The following TBC1D21 variants were observed in gnomAD, a reference collection of about 807,000 sequenced individuals.
TBC1D21 encodes the protein male germ cell Rab GTPase-activating protein.
In TBC1D21, 38 loss-of-function variants were observed where a neutral mutation model predicts 46.0. That is an observed-to-expected ratio of 0.83 (90% CI 0.64 to 1.08). TBC1D21 has a LOEUF of 1.08. Ranked by LOEUF, TBC1D21 falls within the 50% of genes least tolerant of loss-of-function variation. The pLI is 0.00. For missense variants in TBC1D21, 415 were observed against 417.9 expected (o/e 0.99, Z 0.06); for synonymous variants, 151 against 157.2 (o/e 0.96, Z 0.29).
intron 1 of TBC1D21, among the ~76,000 whole-genome samples, chr15:73,876,962 A>G (rs1318624220): frequency 6.6e-6 from 1 of 152,154 alleles, no homozygotes; most frequent in East Asian, 1.9e-4. Context: ...TGTTGCATCA[A>G]ACAGCTTAGG....
intron 1 of TBC1D21, among the ~76,000 whole-genome samples, chr15:73,877,514 TAAAAAAA>T (rs541803630): frequency 0.22 from 15,796 of 73,330 alleles, 662 homozygotes; most frequent in Middle Eastern, 0.3. Flanking sequence ...TCCAGAAAAC[TAAAAAAA>T]AAAAAAAAAA....
the TBC1D21 span, among the ~76,000 whole-genome samples, chr15:73,907,358 C>G: frequency 9.2e-5 from 14 of 152,296 alleles, no homozygotes; most frequent in African/African-American, 3.1e-4. Flanking sequence ...TTGGTGGGGT[C>G]TGCATGGAAG....
At chr15:73,901,972 C>T in the TBC1D21 span, among the ~76,000 whole-genome samples, 1 of 152,088 alleles carries the variant, frequency 6.6e-6, no homozygotes, top group Non-Finnish European at 1.5e-5. Context: ...CCACCTCACC[C>T]AGCTAATTGT....
chr15:73,885,140 C>A (rs762754935), intron 6 of TBC1D21, 37 bp downstream of exon 6: 3 of 1,556,684 alleles, frequency 1.9e-6, no homozygotes, highest in Non-Finnish European at 2.6e-6. Context: ...CGCCCCTCCC[C>A]AACCCCCCAC....
chr15:73,895,474 A>G, the TBC1D21 span, among the ~76,000 whole-genome samples: 1 of 152,168 alleles, frequency 6.6e-6, no homozygotes, highest in Non-Finnish European at 1.5e-5. Context: ...CTCTAGAATT[A>G]AGCATTCCAA....
the TBC1D21 span, among the ~76,000 whole-genome samples, chr15:73,908,816 G>T: frequency 2.6e-5 from 4 of 152,222 alleles, no homozygotes; most frequent in Non-Finnish European, 5.9e-5. Context: ...GTGATGCCTT[G>T]TAAGTCCATG....
rs2068009117 is a variant in TBC1D21 at position 73,873,746 on chromosome 15, A to G, written c.37A>G (p.Arg13Gly). ...TLSPENSLSA[R>G]QSASFILVKR... is the part of the protein sequence containing the mutation. ...CTCTCCTGAAAACAGCCTCTCTGCC[A>G]GACAGTCAGCCTCCTTCATCCTGGT... The change falls in exon 1 of 11, where the codon AGA becomes GGA. Residue 13 changes from arginine (R) to glycine (G), a missense_variant. Arg to Gly is a moderately radical substitution (Grantham distance 125). Transcript: ENST00000300504. 6.2e-7 allele frequency: 1 copy of G among 1,610,554 alleles called. No homozygotes were observed. The highest frequency in any genetic ancestry group is 8.5e-7 in the Non-Finnish European group (1 of 1,178,172).
chr15:73,881,549 G>A (rs1214025951), intron 2 of TBC1D21, 43 bp downstream of exon 2: 2 of 1,603,534 alleles, frequency 1.2e-6, no homozygotes, highest in South Asian at 2.2e-5. Flanking sequence ...GGAACTGGGA[G>A]CATGGATGGG....
At chr15:73,896,339 G>A in the TBC1D21 span, among the ~76,000 whole-genome samples, 1 of 152,178 alleles carries the variant, frequency 6.6e-6, no homozygotes, top group Non-Finnish European at 1.5e-5. Context: ...AAATAGTGAC[G>A]CTGCCATCAC....
At chr15:73,886,057 G>A (rs780679185) in intron 6 of TBC1D21, 21 bp from the exon 7 acceptor site, 3 of 1,612,000 alleles carry the variant, frequency 1.9e-6, no homozygotes, top group East Asian at 4.5e-5. Flanking sequence ...GACTCAGTCT[G>A]TCTCCCACCA....
the TBC1D21 span, among the ~76,000 whole-genome samples, chr15:73,908,714 C>T: frequency 2.6e-5 from 4 of 152,236 alleles, no homozygotes; most frequent in Non-Finnish European, 4.4e-5. Flanking sequence ...CATCACCTCC[C>T]AGGTGCTCAT....
At chr15:73,874,598 G>C (rs1408711155) in intron 1 of TBC1D21, among the ~76,000 whole-genome samples, 10 of 152,222 alleles carry the variant, frequency 6.6e-5, no homozygotes, top group Non-Finnish European at 1.5e-4. Flanking sequence ...AGTGGCAGAA[G>C]TTGTATTTCG....
At chr15:73,885,441 G>A (rs1018928410) in intron 6 of TBC1D21, among the ~76,000 whole-genome samples, 1 of 152,058 alleles carries the variant, frequency 6.6e-6, no homozygotes. Flanking sequence ...TTCCTCAATG[G>A]CTCCCTGTGG....
downstream of TBC1D21, among the ~76,000 whole-genome samples, chr15:73,894,155 G>A (rs1322952015): frequency 1.3e-5 from 2 of 152,210 alleles, no homozygotes; most frequent in Non-Finnish European, 1.5e-5. Flanking sequence ...GAACCCCAGG[G>A]CCCCACTGTT....
the TBC1D21 span, among the ~76,000 whole-genome samples, chr15:73,895,099 C>T: frequency 2.0e-5 from 3 of 152,176 alleles, no homozygotes; most frequent in South Asian, 4.1e-4. Context: ...CCAATTAAAC[C>T]AGCATATCTA....
chr15:73,878,212 T>C (rs1198662045), intron 1 of TBC1D21, among the ~76,000 whole-genome samples: 1 of 152,254 alleles, frequency 6.6e-6, no homozygotes, highest in African/African-American at 2.4e-5. Context: ...TTTGGCTTTA[T>C]GTCCACGCAG....
At chr15:73,907,822 T>C in the TBC1D21 span, among the ~76,000 whole-genome samples, 2 of 151,814 alleles carry the variant, frequency 1.3e-5, no homozygotes, top group Non-Finnish European at 3.0e-5. Context: ...GTTTTCTAAC[T>C]TCCCTGAGCC....
rs943074053 is a variant in TBC1D21, at chr15:73,886,278, A to G, written c.676+104A>G. On this transcript the variant is annotated intron_variant, in intron 7 of 10. Coordinates refer to ENST00000300504, the MANE Select transcript of TBC1D21 (RefSeq NM_153356.3). The stretch of plus-strand genomic sequence containing the variant: ...AATCATGGGGGGGCTGGAGAGCAGC[A>G]GAATCATTTGATTGCTTCTCCAGGC... 3.2e-5 allele frequency: 34 copies of G among 1,069,634 alleles called. No individual in the cohort carries two copies. The African/African-American group carries it at 5.2e-4, about 16-fold the overall frequency. The allele number at this position is 1,069,634 out of a possible 1,614,324, so 66.3% of individuals were successfully genotyped here.
chr15:73,876,220 T>TTTTTGTTTG (rs1567062331), intron 1 of TBC1D21, among the ~76,000 whole-genome samples: 2 of 46,196 alleles, frequency 4.3e-5, no homozygotes, highest in African/African-American at 2.9e-4. Flanking sequence ...TTTTTTTTTT[T>TTTTTGTTTG]TTTTTTTTTT....
Sources: allele counts gnomAD v4.1 joint callset (sites outside exome capture counted in the v4.1 genomes callset), GRCh38; gene constraint gnomAD v4.1.1; transcripts MANE v1.5; gene names NCBI Gene and HGNC (gene_info 2026-07-23, HGNC 2026-07-21).